Variants in ARHGAP28 observed in about 807,000 individuals in gnomAD.
The protein encoded by ARHGAP28 is Rho GTPase activating protein 28.
ARHGAP28 carries 56 observed loss-of-function variants against 90.7 expected under a neutral mutation model. That is an observed-to-expected ratio of 0.62 (90% CI 0.50 to 0.77). The LOEUF (loss-of-function observed/expected upper bound fraction) is 0.77. ARHGAP28 is among the 30% of genes least tolerant of loss of function. ARHGAP28 has a pLI of 0.00. For synonymous variants in ARHGAP28, 308 were observed against 323.3 expected (o/e 0.95, Z 0.51); for missense variants, 869 against 900.9 (o/e 0.96, Z 0.45).
intron 17 of ARHGAP28, among the ~76,000 whole-genome samples, chr18:6,910,191 T>G (rs1420601186): frequency 6.6e-6 from 1 of 152,186 alleles, no homozygotes; most frequent in Non-Finnish European, 1.5e-5. Flanking sequence ...AAGAACACTT[T>G]CTTCACCTGA....
chr18:6,875,434 C>A (rs141855340), intron 9 of ARHGAP28, among the ~76,000 whole-genome samples: 1,910 of 152,296 alleles, frequency 0.013, 43 homozygotes, highest in African/African-American at 0.043. Context: ...GGATCCCCTT[C>A]TTACTGGGTG....
chr18:6,806,098 TGCCCAG>T (rs1487785796), intron 1 of ARHGAP28, among the ~76,000 whole-genome samples: 5 of 152,018 alleles, frequency 3.3e-5, no homozygotes, highest in Non-Finnish European at 5.9e-5. Flanking sequence ...TTCACCATGT[TGCCCAG>T]GCTGGTGTCA....
At position 6,837,372 on chromosome 18, in the gene ARHGAP28, T is replaced by C. The variant is rs143406734; in HGVS notation, c.501T>C (p.Ser167=). 6.2e-7 allele frequency: 1 copy of C among 1,613,698 alleles called. No homozygotes were observed. The highest frequency in any genetic ancestry group is 2.2e-5 in the East Asian group (1 of 44,790). ...CCATGAGGAAAAAGGATAAGCAATC[T>C]ATCAGGGATGTCAGAGACATTTTTG... is the stretch of plus-strand genomic sequence containing the variant. The part of the protein sequence containing the change: ...TQTMRKKDKQ[S]IRDVRDIFGV... Residue 167 remains serine (S), a synonymous_variant, in exon 3 of 18, where the codon TCT becomes TCC. Transcript: ENST00000383472.
chr18:6,802,335 C>CT (rs35950139), intron 1 of ARHGAP28, among the ~76,000 whole-genome samples: 6,601 of 52,776 alleles, frequency 0.13, 2,261 homozygotes, highest in Non-Finnish European at 0.17. Context: ...TATGGTAGTT[C>CT]TTTTTTTTTT....
chr18:6,813,822 C>T (rs1019488144), intron 1 of ARHGAP28, among the ~76,000 whole-genome samples: 1 of 152,068 alleles, frequency 6.6e-6, no homozygotes, highest in African/African-American at 2.4e-5. Context: ...ATTCATTTTT[C>T]GTATCTATAA....
At chr18:6,753,872 G>A (rs1351511614) in intron 1 of ARHGAP28, among the ~76,000 whole-genome samples, 1 of 152,154 alleles carries the variant, frequency 6.6e-6, no homozygotes, top group Non-Finnish European at 1.5e-5. Context: ...ATTCTTAAAG[G>A]AATCTAATTG....
At chr18:6,891,723 G>A (rs1173881293) in intron 14 of ARHGAP28, among the ~76,000 whole-genome samples, 1 of 152,088 alleles carries the variant, frequency 6.6e-6, no homozygotes, top group Admixed American at 6.5e-5. Flanking sequence ...CAGTAGCTAG[G>A]ACTACAGATG....
At chr18:6,905,167 A>G (rs561357459) in intron 16 of ARHGAP28, among the ~76,000 whole-genome samples, 3 of 152,296 alleles carry the variant, frequency 2.0e-5, no homozygotes, top group South Asian at 4.1e-4. Context: ...TTTAAAAATT[A>G]TCAGCAAAAT....
At chr18:6,785,123 G>T (rs1315225988) in intron 1 of ARHGAP28, among the ~76,000 whole-genome samples, 1 of 152,112 alleles carries the variant, frequency 6.6e-6, no homozygotes, top group Non-Finnish European at 1.5e-5. Flanking sequence ...CTTTCAGAAG[G>T]ATTCTCCAAT....
rs2056907259 is a variant in ARHGAP28, at chr18:6,851,113, C to A, written c.623C>A (p.Thr208Lys). 1.9e-6 allele frequency: 3 copies of A among 1,613,936 alleles called. No individual in the cohort carries two copies. The highest frequency in any genetic ancestry group is 1.7e-6 in the Non-Finnish European group (2 of 1,179,920). Reference sequence around the variant, plus strand: ...AGAGAGCTTCCAAGAGTTATCAAGACAAGTGGTTCCATGGTAAGTTATAGT... The same window carrying A: ...AGAGAGCTTCCAAGAGTTATCAAGAAAAGTGGTTCCATGGTAAGTTATAGT... The part of the protein sequence containing the change: ...EERELPRVIK[T>K]SGSMPDDASL... Residue 208 changes from threonine (T) to lysine (K), a missense_variant, in exon 4 of 18, where the codon ACA becomes AAA. Thr to Lys is a moderately conservative substitution (Grantham distance 78). Transcript: ENST00000383472.
At chr18:6,838,580 AC>A in intron 3 of ARHGAP28, among the ~76,000 whole-genome samples, 1 of 152,246 alleles carries the variant, frequency 6.6e-6, no homozygotes, top group Non-Finnish European at 1.5e-5. Context: ...AGCTCCAGAT[AC>A]ATATGACTAC....
chr18:6,880,572 T>G (rs2057169782), intron 10 of ARHGAP28, among the ~76,000 whole-genome samples: 1 of 152,224 alleles, frequency 6.6e-6, no homozygotes, highest in South Asian at 2.1e-4. Flanking sequence ...CCCTTAGCAC[T>G]GGCGCTCGCT....
chr18:6,859,876 G>A lies in ARHGAP28; in HGVS notation c.705G>A (p.Ala235=), dbSNP rs139585259. The change falls in exon 5 of 18, where the codon GCG becomes GCA. Residue 235 remains alanine, a synonymous_variant. Coordinates refer to ENST00000383472, the MANE Select transcript of ARHGAP28 (RefSeq NM_001366230.1). ...CCCAGGATAAAGAAGGGAGTTTTGC[G>A]GTTCCCAGGAGTGACTCTGTGGTAA... ...DASQDKEGSF[A]VPRSDSVAIL... is the part of the protein sequence containing the mutation. The A allele has an allele frequency of 1.2e-4, 195 of 1,614,132 alleles. 2 individuals carry two copies. Among genetic ancestry groups the A allele is most frequent in the South Asian group, 9.7e-4 (88 of 91,078 alleles).
At chr18:6,761,888 T>C (rs2056162808) in intron 1 of ARHGAP28, among the ~76,000 whole-genome samples, 1 of 152,094 alleles carries the variant, frequency 6.6e-6, no homozygotes, top group African/African-American at 2.4e-5. Flanking sequence ...CAATATAGAG[T>C]TGTTGGCACA....
intron 1 of ARHGAP28, among the ~76,000 whole-genome samples, chr18:6,755,150 G>T (rs1163093819): frequency 2.0e-5 from 3 of 152,108 alleles, no homozygotes; most frequent in African/African-American, 7.2e-5. Flanking sequence ...TCCAGCTTGG[G>T]TGACAGAGTG....
At chr18:6,769,999 T>G (rs183330964) in intron 1 of ARHGAP28, among the ~76,000 whole-genome samples, 1 of 152,226 alleles carries the variant, frequency 6.6e-6, no homozygotes, top group Admixed American at 6.5e-5. Context: ...TCGTCTTATT[T>G]ATTTTATTCC....
intron 1 of ARHGAP28, chr18:6,730,219 G>GTT: frequency 6.5e-6 from 1 of 153,736 alleles, no homozygotes; most frequent in Non-Finnish European, 1.2e-5. Context: ...GATAAGTCAT[G>GTT]TGTATATATA....
chr18:6,765,009 T>C (rs1206323686), intron 1 of ARHGAP28, among the ~76,000 whole-genome samples: 2 of 152,242 alleles, frequency 1.3e-5, no homozygotes, highest in African/African-American at 2.4e-5. Flanking sequence ...CTACAGGCTT[T>C]AGCAGTCAGA....
chr18:6,891,251 C>T (rs1205122459), intron 14 of ARHGAP28, among the ~76,000 whole-genome samples: 1 of 151,908 alleles, frequency 6.6e-6, no homozygotes, highest in African/African-American at 2.4e-5. Context: ...ATGCAGAGGA[C>T]AAGGAATGTG....
Sources: allele counts gnomAD v4.1 joint callset (sites outside exome capture counted in the v4.1 genomes callset), GRCh38; gene constraint gnomAD v4.1.1; transcripts MANE v1.5; gene names NCBI Gene and HGNC (gene_info 2026-07-23, HGNC 2026-07-21).